The following PEAR1 variants were observed in gnomAD, a reference collection of about 807,000 sequenced individuals.
PEAR1 encodes multiple EGF-like domains protein 12.
PEAR1 carries 113 observed loss-of-function variants against 131.2 expected under a neutral mutation model. That is an observed-to-expected ratio of 0.86 (90% CI 0.74 to 1.01). The LOEUF (loss-of-function observed/expected upper bound fraction) is 1.01. Among genes scored for constraint, PEAR1 ranks in the 50% least tolerant of loss-of-function variants. PEAR1 has a pLI of 0.00. For missense variants in PEAR1, 1,408 were observed against 1,391.1 expected (o/e 1.01, Z -0.19); for synonymous variants, 565 against 523.3 (o/e 1.08, Z -1.09).
chr1:156,906,149 A>G lies in PEAR1; in HGVS notation c.308-127A>G, dbSNP rs1007373713. 1.7e-5 allele frequency: 13 copies of G among 752,612 alleles called. No homozygotes were observed. In the African/African-American group the frequency reaches 1.9e-4, roughly 11 times the overall value. The allele number at this position is 752,612 out of a possible 1,614,324, so 46.6% of individuals were successfully genotyped here. ...TGCTGCCCCTCAGTCTTTATCTTAG[A>G]GGCAGAATTGGGGCTTGGAGAACTT... On this transcript the variant is annotated intron_variant, in intron 4 of 22. Transcript: ENST00000292357.
At position 156,905,926 on chromosome 1, in the gene PEAR1, C is replaced by T. The variant is rs138955045; in HGVS notation, c.308-350C>T. ...TTCCTCCCACTTCCCTCAGCCACTG[C>T]CCATCACGAGCCTCTGCAAACACTG... is the stretch of plus-strand genomic sequence containing the variant. On this transcript the variant is annotated intron_variant, in intron 4 of 22. Transcript: ENST00000292357. 6.2e-3 allele frequency among the ~76,000 whole-genome samples: 940 copies of T among 152,308 alleles called. 10 individuals carry two copies. The highest frequency in any genetic ancestry group is 0.021 in the African/African-American group (870 of 41,558).
In PEAR1 at chr1:156,910,246, A is replaced by G. The variant is rs1211340248; in HGVS notation, c.1691A>G (p.His564Arg). The change falls in exon 14 of 23, where the codon CAC becomes CGC. Residue 564 changes from histidine (H) to arginine (R), a missense_variant. Physicochemically the swap from His to Arg is conservative, Grantham distance 29 (BLOSUM62 0). Transcript: ENST00000292357. ...CTGTCTCCCACAGGTGCCCGCTGCC[A>G]CCTGTCCTGCCCTGAGGGCTTATGG... ...CQAGWMGARC[H>R]LSCPEGLWGV... 1 of 1,611,446 alleles carries G rather than the reference A, an allele frequency of 6.2e-7. No individual in the cohort carries two copies. Among genetic ancestry groups the G allele is most frequent in the Admixed American group, 1.7e-5 (1 of 59,824 alleles).
At position 156,913,998 on chromosome 1, in the gene PEAR1, C is replaced by G; in HGVS notation, c.2860C>G (p.Pro954Ala). 1.9e-6 allele frequency: 3 copies of G among 1,612,988 alleles called. No homozygotes were observed. The highest frequency in any genetic ancestry group is 1.1e-5 in the South Asian group (1 of 90,870). Reference protein sequence around the residue: ...MEMKGPPSGSPPRQPPQFWDS... With the variant: ...MEMKGPPSGSAPRQPPQFWDS... ...GATGAAAGGCCCTCCCTCAGGATCT[C>G]CCCCCAGGCAGCCTCCTCAGTTCTG... Residue 954 changes from proline (P) to alanine (A), a missense_variant, in exon 22 of 23, where the codon CCC (proline) becomes GCC (alanine). Transcript: ENST00000292357.
At chr1:156,905,862 C>A (rs751020958) in intron 4 of PEAR1, among the ~76,000 whole-genome samples, 6 of 152,120 alleles carry the variant, frequency 3.9e-5, no homozygotes, top group East Asian at 1.9e-4. Flanking sequence ...ACTGCACCCC[C>A]CTCCCAGCAC....
chr1:156,910,423 G>A (rs1467097779), intron 14 of PEAR1, 43 bp downstream of exon 14: 5 of 1,559,592 alleles, frequency 3.2e-6, no homozygotes, highest in South Asian at 1.2e-5. Flanking sequence ...CCAGCAGGGG[G>A]CAGTGTAGTG....
intron 11 of PEAR1, among the ~76,000 whole-genome samples, chr1:156,909,303 C>T (rs945122086): frequency 1.1e-4 from 16 of 152,198 alleles, no homozygotes; most frequent in African/African-American, 3.1e-4. Flanking sequence ...CTCAGTCATA[C>T]GGAAACACAA....
intron 1 of PEAR1, among the ~76,000 whole-genome samples, chr1:156,895,709 G>C (rs1387970966): frequency 6.6e-6 from 1 of 152,156 alleles, no homozygotes; most frequent in Admixed American, 6.5e-5. Flanking sequence ...CCTAGGGATA[G>C]AACAAAAAGG....
chr1:156,906,420 G>A (rs1365006359), intron 5 of PEAR1, 52 bp downstream of exon 5: 2 of 1,597,568 alleles, frequency 1.3e-6, no homozygotes, highest in South Asian at 2.2e-5. Flanking sequence ...CAGGGCCACA[G>A]GACCCTCAGG....
intron 4 of PEAR1, 56 bp from the exon 5 acceptor site, chr1:156,906,219 TA>T: frequency 6.5e-7 from 1 of 1,537,982 alleles, no homozygotes; most frequent in Non-Finnish European, 9.0e-7. Context: ...CTTTGCAGGA[TA>T]AAAGCTGGGT....
rs755117626 is a variant in PEAR1 at position 156,910,754 on chromosome 1, G to C, written c.1951+11G>C. The C allele has an allele frequency of 6.2e-7, 1 of 1,613,942 alleles. No homozygotes were observed. The highest frequency in any genetic ancestry group is 8.5e-7 in the Non-Finnish European group (1 of 1,179,944). The stretch of plus-strand genomic sequence containing the variant: ...CCGACTGCTCCCAGCGTATGTGGTA[G>C]CTTGTGTGTCTGAGCATACGTGCAT... On this transcript the variant is annotated intron_variant, in intron 15 of 22. Coordinates refer to ENST00000292357, the MANE Select transcript of PEAR1 (RefSeq NM_001080471.3).
At position 156,912,383 on chromosome 1, in the gene PEAR1, C is replaced by G; in HGVS notation, c.2080+8C>G. The G allele has an allele frequency of 6.2e-7, 1 of 1,611,284 alleles. No homozygotes were observed. The highest frequency in any genetic ancestry group is 8.5e-7 in the Non-Finnish European group (1 of 1,178,844). On this transcript the variant is annotated splice_region_variant and intron_variant, in intron 16 of 22. Coordinates refer to ENST00000292357, the MANE Select transcript of PEAR1 (RefSeq NM_001080471.3). ...GACACCACTGCTTAGAAGGTACCAACAGAAGGGGAACTCCAGGCCCCTGCC... is the reference window on the plus strand; with the variant it reads ...GACACCACTGCTTAGAAGGTACCAAGAGAAGGGGAACTCCAGGCCCCTGCC...
In PEAR1 at chr1:156,903,974, G is replaced by A; in HGVS notation, c.48G>A (p.Arg16=). 1 of 1,614,060 alleles carries A rather than the reference G, an allele frequency of 6.2e-7. No homozygotes were observed. The highest frequency in any genetic ancestry group is 8.5e-7 in the Non-Finnish European group (1 of 1,179,986). The change falls in exon 2 of 23, where the codon CGG becomes CGA. Residue 16 remains arginine, a synonymous_variant. Transcript: ENST00000292357. ...CPLLLLAVGL[R]LAGTLNPSDP... is the part of the protein sequence containing the mutation. ...TCCTTCTCCTGGCTGTGGGCCTGCGGCTGGCTGGAACTCTCAACCCCAGTG... is the reference window on the plus strand; with the variant it reads ...TCCTTCTCCTGGCTGTGGGCCTGCGACTGGCTGGAACTCTCAACCCCAGTG...
At chr1:156,903,644 G>A (rs1649909841) in intron 1 of PEAR1, among the ~76,000 whole-genome samples, 1 of 152,194 alleles carries the variant, frequency 6.6e-6, no homozygotes, top group Admixed American at 6.5e-5. Context: ...GAGGGAAGGG[G>A]TGGCACCTGA....
intron 17 of PEAR1, 68 bp from the exon 18 acceptor site, chr1:156,912,702 C>A: frequency 6.2e-7 from 1 of 1,611,268 alleles, no homozygotes; most frequent in South Asian, 1.1e-5. Context: ...CCCTACTTCC[C>A]TCCTGAGCAC....
Position 156,913,458 on chromosome 1 carries a change from A to T in PEAR1, c.2579A>T (p.Asn860Ile). The T allele has an allele frequency of 6.2e-7, 1 of 1,613,626 alleles. No individual in the cohort carries two copies. Among genetic ancestry groups the T allele is most frequent in the Non-Finnish European group, 8.5e-7 (1 of 1,179,994 alleles). Residue 860 changes from asparagine (N) to isoleucine (I), a missense_variant, in exon 20 of 23, where the codon AAC becomes ATC. By Grantham distance (149) the Asn-to-Ile change is moderately radical (BLOSUM62 -3). Transcript: ENST00000292357. ...ERPGGAQGHD[N>I]HTTLPADWKH... is the part of the protein sequence containing the mutation. ...CCAGGTGGGGCCCAAGGGCATGATAACCACACCACCCTGCCTGCTGACTGG... is the reference window on the plus strand; with the variant it reads ...CCAGGTGGGGCCCAAGGGCATGATATCCACACCACCCTGCCTGCTGACTGG...
chr1:156,904,959 T>G (rs1558129331), intron 3 of PEAR1, 107 bp downstream of exon 3: 1 of 1,568,042 alleles, frequency 6.4e-7, no homozygotes, highest in East Asian at 2.4e-5. Context: ...CAGAGGAAAC[T>G]CCTGGCTTCT....
In PEAR1 at chr1:156,913,529, T is replaced by C; in HGVS notation, c.2644+6T>C. 1.2e-6 allele frequency: 2 copies of C among 1,611,832 alleles called. No homozygotes were observed. The highest frequency in any genetic ancestry group is 1.7e-6 in the Non-Finnish European group (2 of 1,179,804). Reference sequence around the variant, plus strand: ...TCCAGGGCCTCTGGACAGGGGTAGGTGCCGGGAGGCCAGGGTCTCTGGCGC... The same window carrying C: ...TCCAGGGCCTCTGGACAGGGGTAGGCGCCGGGAGGCCAGGGTCTCTGGCGC... On this transcript the variant is annotated splice_donor_region_variant and intron_variant, in intron 20 of 22. Transcript: ENST00000292357.
In PEAR1 at chr1:156,908,805, C is replaced by T. The variant is rs1334253227; in HGVS notation, c.1266C>T (p.Leu422=). 1 of 1,606,240 alleles carries T rather than the reference C, an allele frequency of 6.2e-7. No individual in the cohort carries two copies. The highest frequency in any genetic ancestry group is 8.5e-7 in the Non-Finnish European group (1 of 1,179,038). ...HGGVCQATSG[L]CQCAPGYTGP... is the part of the protein sequence containing the mutation. ...GCGTCTGCCAGGCTACCAGCGGCCT[C>T]TGTCAGTGCGCGCCGGGTTACACGG... The change falls in exon 10 of 23, where the codon CTC becomes CTT. Residue 422 remains leucine (L), a synonymous_variant. Transcript: ENST00000292357. The surrounding 1 kb of genome is among the most constrained non-coding windows in gnomAD (Gnocchi z 4.2).
At chr1:156,898,549 G>C (rs907949829) in intron 1 of PEAR1, among the ~76,000 whole-genome samples, 1 of 152,228 alleles carries the variant, frequency 6.6e-6, no homozygotes, top group South Asian at 2.1e-4. Context: ...GCAGGCTGCT[G>C]GGGGAGCTCC....
Sources: gnomAD v4.1 joint callset for allele counts (sites outside exome capture counted in the v4.1 genomes callset) on GRCh38, gnomAD v4.1.1 for gene constraint, Gnocchi (gnomAD v3.1) non-coding constraint, MANE v1.5 for transcripts, NCBI Gene and HGNC (gene_info 2026-07-23, HGNC 2026-07-21) for gene names.